The following FHIT variants were observed in gnomAD, a reference collection of about 807,000 sequenced individuals.
FHIT encodes the protein bis(5'-adenosyl)-triphosphatase.
In FHIT, 19 loss-of-function variants were observed where a neutral mutation model predicts 17.9. The observed-to-expected ratio is 1.06, with a 90% confidence interval of 0.74 to 1.56. FHIT has a LOEUF of 1.56. FHIT is among the 40% of genes most tolerant of loss of function. FHIT has a pLI of 0.00. For synonymous variants in FHIT, 81 were observed against 69.7 expected, an observed-to-expected ratio of 1.16 and a Z score of -0.81; for missense variants, 248 against 189.2, an observed-to-expected ratio of 1.31 and a Z score of -1.82.
At chr3:61,064,051 G>T (rs1398613465) in intron 2 of FHIT, among the ~76,000 whole-genome samples, 2 of 152,070 alleles carry the variant, frequency 1.3e-5, no homozygotes, top group Non-Finnish European at 2.9e-5. Context: ...GGGAAGATAG[G>T]CCTTACTCTC....
At chr3:60,900,000 G>A (rs1183400812) in intron 3 of FHIT, among the ~76,000 whole-genome samples, 1 of 152,200 alleles carries the variant, frequency 6.6e-6, no homozygotes, top group Admixed American at 6.5e-5. Context: ...GGCCCCAGCA[G>A]CTACTTTGCC....
At chr3:59,982,141 G>A (rs1708682779) in intron 7 of FHIT, among the ~76,000 whole-genome samples, 2 of 152,170 alleles carry the variant, frequency 1.3e-5, no homozygotes, top group South Asian at 4.1e-4. Flanking sequence ...AAATAGTGAT[G>A]TATGGTCTCT....
chr3:60,290,305 C>T (rs1707922980), intron 5 of FHIT, among the ~76,000 whole-genome samples: 1 of 152,168 alleles, frequency 6.6e-6, no homozygotes, highest in South Asian at 2.1e-4. Context: ...CTTATGTAAT[C>T]TTCTCTCACT....
intron 5 of FHIT, among the ~76,000 whole-genome samples, chr3:60,379,830 C>T (rs908206149): frequency 1.3e-5 from 2 of 152,082 alleles, no homozygotes; most frequent in Admixed American, 6.6e-5. Context: ...GACTGATGTG[C>T]GTTGCAAAAG....
In FHIT at chr3:61,014,808, A is replaced by AAAAAAAAAAAAAAAAAAAT. The variant is rs1156410696; in HGVS notation, c.-111+27238_-111+27239insATTTTTTTTTTTTTTTTTT. Among the ~76,000 whole-genome samples the AAAAAAAAAAAAAAAAAAAT allele has an allele frequency of 1.5e-4, 4 of 26,982 alleles. 1 individual carries two copies. The highest frequency in any genetic ancestry group is 2.2e-4 in the Non-Finnish European group (2 of 9,256). 17.7% of individuals were successfully genotyped at this position (26,982 alleles called of 152,430 possible). A position where few individuals can be genotyped will look rare whatever the true frequency, so the allele number is the denominator to read the frequency against. ...AAAAAAAAAAAAAAAAAAAAAAAAA[A>AAAAAAAAAAAAAAAAAAAT]TATATATATATATATATGTATACAC... On this transcript the variant is annotated intron_variant, in intron 3 of 9. Coordinates refer to ENST00000492590, the MANE Select transcript of FHIT (RefSeq NM_002012.4).
chr3:60,139,289 T>G lies in FHIT; in HGVS notation c.104-125137A>C, dbSNP rs147270637. Among the ~76,000 whole-genome samples, 18 of 152,268 alleles carry G rather than the reference T, an allele frequency of 1.2e-4. No homozygotes were observed. The East Asian group carries it at 3.3e-3, about 28-fold the overall frequency. On this transcript the variant is annotated intron_variant, in intron 5 of 9. Coordinates refer to ENST00000492590, the MANE Select transcript of FHIT (RefSeq NM_002012.4). ...ATCAGATTTGCCATCCCATAGCTGATTCCTAATTAAAGGGAGTGAGAACCA... is the reference window on the plus strand; with the variant it reads ...ATCAGATTTGCCATCCCATAGCTGAGTCCTAATTAAAGGGAGTGAGAACCA...
At chr3:61,027,453 C>T (rs145924138) in intron 3 of FHIT, among the ~76,000 whole-genome samples, 284 of 152,338 alleles carry the variant, frequency 1.9e-3, no homozygotes, top group African/African-American at 6.6e-3. Context: ...AGTGGAAACA[C>T]TACATAATAG....
chr3:60,807,069 T>G (rs1295196881), intron 4 of FHIT, among the ~76,000 whole-genome samples: 1 of 152,222 alleles, frequency 6.6e-6, no homozygotes, highest in African/African-American at 2.4e-5. Context: ...TTCTAAATTA[T>G]TAATCAGTTG....
chr3:60,017,401 A>T (rs192657085), intron 5 of FHIT, among the ~76,000 whole-genome samples: 307 of 152,306 alleles, frequency 2.0e-3, no homozygotes, highest in Middle Eastern at 0.014. Flanking sequence ...AGAGGGATAC[A>T]AAGCTGGCAT....
rs1418186338 is a variant in FHIT at position 61,011,870 on chromosome 3, T to A, written c.-111+30177A>T. Among the ~76,000 whole-genome samples the A allele has an allele frequency of 4.6e-5, 7 of 152,270 alleles. No individual in the cohort carries two copies. In the East Asian group the frequency reaches 1.4e-3, roughly 29 times the overall value. On this transcript the variant is annotated intron_variant, in intron 3 of 9. Transcript: ENST00000492590. ...CAAACCTCCTCACCATATCAGCCAA[T>A]CTATTTCAGACTGAGAACTCAGAAG...
At chr3:60,152,848 G>C (rs1454871782) in intron 5 of FHIT, among the ~76,000 whole-genome samples, 1 of 152,072 alleles carries the variant, frequency 6.6e-6, no homozygotes, top group Non-Finnish European at 1.5e-5. Context: ...GTTAAAACAT[G>C]ATGTCTCCCT....
intron 5 of FHIT, among the ~76,000 whole-genome samples, chr3:60,049,380 A>G (rs1701782182): frequency 6.6e-6 from 1 of 152,198 alleles, no homozygotes; most frequent in African/African-American, 2.4e-5. Flanking sequence ...ATTTTAATTT[A>G]TCTTTAATTT....
At chr3:60,254,222 G>A (rs1326858088) in intron 5 of FHIT, among the ~76,000 whole-genome samples, 1 of 152,264 alleles carries the variant, frequency 6.6e-6, no homozygotes, top group South Asian at 2.1e-4. Context: ...CTTGTGTGAG[G>A]TATAATCAGT....
chr3:60,961,542 CT>C (rs1398401610), intron 3 of FHIT, among the ~76,000 whole-genome samples: 1 of 152,140 alleles, frequency 6.6e-6, no homozygotes, highest in Non-Finnish European at 1.5e-5. Context: ...AGGTTTTCTT[CT>C]AGGGTTTTAT....
chr3:60,918,793 T>C (rs1387410561), intron 3 of FHIT, among the ~76,000 whole-genome samples: 1 of 152,242 alleles, frequency 6.6e-6, no homozygotes, highest in Non-Finnish European at 1.5e-5. Context: ...ATTTTAATCT[T>C]TCTAATACAT....
chr3:60,557,601 G>A (rs1449803654), intron 4 of FHIT, among the ~76,000 whole-genome samples: 1 of 151,524 alleles, frequency 6.6e-6, no homozygotes, highest in Non-Finnish European at 1.5e-5. Flanking sequence ...CTCTCTACAT[G>A]GCTCTGCCTC....
At chr3:59,806,038 G>A (rs141489714) in intron 8 of FHIT, among the ~76,000 whole-genome samples, 43 of 152,112 alleles carry the variant, frequency 2.8e-4, no homozygotes, top group African/African-American at 9.2e-4. Context: ...AAATTTAGCC[G>A]GGTGTGGTGG....
At chr3:60,186,171 T>G (rs377187169) in intron 5 of FHIT, among the ~76,000 whole-genome samples, 2 of 152,184 alleles carry the variant, frequency 1.3e-5, no homozygotes, top group Non-Finnish European at 2.9e-5. Context: ...ATTTTTTTCA[T>G]GCATTATGTT....
intron 5 of FHIT, among the ~76,000 whole-genome samples, chr3:60,168,535 C>G (rs1252999018): frequency 6.6e-6 from 1 of 152,138 alleles, no homozygotes; most frequent in Non-Finnish European, 1.5e-5. Context: ...TCCACTCTGC[C>G]TGCCAGAGGC....
Sources: allele counts gnomAD v4.1 joint callset (sites outside exome capture counted in the v4.1 genomes callset), GRCh38; gene constraint gnomAD v4.1.1; transcripts MANE v1.5; gene names NCBI Gene and HGNC (gene_info 2026-07-23, HGNC 2026-07-21).